Variants in PHF24 observed in about 807,000 individuals in gnomAD.
The protein encoded by PHF24 is PHD finger protein 24, also known as Galpha inhibitory interacting protein.
A neutral mutation model predicts 42.6 loss-of-function variants in PHF24; 25 were observed. That is an observed-to-expected ratio of 0.59 (90% CI 0.43 to 0.82). The LOEUF is 0.82. Ranked by LOEUF, PHF24 falls within the 40% of genes least tolerant of loss-of-function variation. The pLI is 0.00. For synonymous variants in PHF24, 185 were observed against 204.8 expected, an observed-to-expected ratio of 0.90 and a Z score of 0.83; for missense variants, 470 against 538.1, an observed-to-expected ratio of 0.87 and a Z score of 1.25.
the PHF24 span, among the ~76,000 whole-genome samples, chr9:34,752,836 T>C: frequency 6.6e-6 from 1 of 152,084 alleles, no homozygotes; most frequent in Non-Finnish European, 1.5e-5. Context: ...AGATCATTCA[T>C]CATGAACAAG....
the PHF24 span, among the ~76,000 whole-genome samples, chr9:34,692,342 A>C: frequency 6.6e-6 from 1 of 152,202 alleles, no homozygotes; most frequent in East Asian, 1.9e-4. Context: ...AACTTTCCCA[A>C]AACAATACCA....
chr9:34,836,034 T>G, the PHF24 span: 4 of 628,632 alleles, frequency 6.4e-6, no homozygotes, highest in East Asian at 1.4e-4. Context: ...CACTTCCCTC[T>G]GGGGGAAGCC....
the PHF24 span, among the ~76,000 whole-genome samples, chr9:34,891,958 G>A: frequency 6.6e-6 from 1 of 152,174 alleles, no homozygotes; most frequent in African/African-American, 2.4e-5. Context: ...GGGGGAAAAG[G>A]TGGGGAAGGA....
chr9:34,767,903 T>A, the PHF24 span, among the ~76,000 whole-genome samples: 1 of 152,216 alleles, frequency 6.6e-6, no homozygotes, highest in Admixed American at 6.5e-5. Context: ...TTTCATGCGG[T>A]ATCACTAACA....
chr9:34,908,637 A>T, the PHF24 span, among the ~76,000 whole-genome samples: 1 of 152,058 alleles, frequency 6.6e-6, no homozygotes, highest in South Asian at 2.1e-4. Context: ...GGAACAGGAA[A>T]CATCTATAGG....
At chr9:34,879,906 A>G in the PHF24 span, among the ~76,000 whole-genome samples, 1 of 152,216 alleles carries the variant, frequency 6.6e-6, no homozygotes, top group East Asian at 1.9e-4. Flanking sequence ...TATCAGATTC[A>G]CCAAAGTTGA....
At chr9:34,832,629 T>G in the PHF24 span, 4 of 1,541,546 alleles carry the variant, frequency 2.6e-6, no homozygotes, top group African/African-American at 5.5e-5. Context: ...GCCTTTTGTC[T>G]TGGGGTTAAT....
At chr9:34,687,795 C>T in the PHF24 span, among the ~76,000 whole-genome samples, 1 of 152,204 alleles carries the variant, frequency 6.6e-6, no homozygotes, top group Non-Finnish European at 1.5e-5. Context: ...CTCTGAGACA[C>T]CAGCCTGCTG....
chr9:34,868,557 A>T, the PHF24 span, among the ~76,000 whole-genome samples: 1 of 152,164 alleles, frequency 6.6e-6, no homozygotes, highest in Non-Finnish European at 1.5e-5. Context: ...TCTTCCAAAA[A>T]GTTGTCACCC....
the PHF24 span, among the ~76,000 whole-genome samples, chr9:34,767,315 C>T: frequency 6.6e-6 from 1 of 152,228 alleles, no homozygotes; most frequent in Non-Finnish European, 1.5e-5. Flanking sequence ...AGGTGGAGCC[C>T]ACAGAGGCAT....
At chr9:34,884,427 G>T in the PHF24 span, among the ~76,000 whole-genome samples, 2 of 152,140 alleles carry the variant, frequency 1.3e-5, no homozygotes, top group African/African-American at 4.8e-5. Flanking sequence ...TTTTATAACA[G>T]CTTTTTGGAC....
chr9:34,780,582 G>A, the PHF24 span, among the ~76,000 whole-genome samples: 2 of 152,034 alleles, frequency 1.3e-5, no homozygotes, highest in Non-Finnish European at 1.5e-5. Context: ...ACTGCACCTA[G>A]CTGGCAATAG....
At chr9:34,955,926 GA>G (rs1332267599), upstream of PHF24, among the ~76,000 whole-genome samples, 1 of 152,100 alleles carries the variant, frequency 6.6e-6, no homozygotes, top group Non-Finnish European at 1.5e-5. Flanking sequence ...CTCAACATGA[GA>G]AAAACTGCAT....
the PHF24 span, chr9:34,838,418 C>G: frequency 2.3e-6 from 3 of 1,280,194 alleles, no homozygotes; most frequent in Non-Finnish European, 3.3e-6. Context: ...CAGATAATTA[C>G]AATAACGATG....
At chr9:34,669,916 T>G in the PHF24 span, among the ~76,000 whole-genome samples, 2 of 151,454 alleles carry the variant, frequency 1.3e-5, no homozygotes, top group African/African-American at 4.9e-5. Context: ...GATTAGAGAG[T>G]TGAGACTTTG....
chr9:34,832,454 C>A, the PHF24 span: 1 of 1,486,292 alleles, frequency 6.7e-7, no homozygotes. Context: ...CTGGGCCCAT[C>A]AGCTTCTGAG....
At chr9:34,857,358 C>A in the PHF24 span, among the ~76,000 whole-genome samples, 1 of 152,184 alleles carries the variant, frequency 6.6e-6, no homozygotes, top group Non-Finnish European at 1.5e-5. Context: ...ATGCAAAACT[C>A]CTGGGTCTTC....
chr9:34,764,677 GT>G, the PHF24 span, among the ~76,000 whole-genome samples: 50 of 152,056 alleles, frequency 3.3e-4, no homozygotes, highest in African/African-American at 1.1e-3. Context: ...TTTTTGAAGG[GT>G]TTTTTGTGTC....
At chr9:34,932,984 CTTTTTT>C in the PHF24 span, among the ~76,000 whole-genome samples, 3 of 121,452 alleles carry the variant, frequency 2.5e-5, no homozygotes, top group Non-Finnish European at 3.4e-5. Context: ...AGCAGGAACT[CTTTTTT>C]TTTTTTTTTT....
Sources: allele counts gnomAD v4.1 joint callset (sites outside exome capture counted in the v4.1 genomes callset), GRCh38; gene constraint gnomAD v4.1.1; transcripts MANE v1.5; gene names NCBI Gene and HGNC (gene_info 2026-07-23, HGNC 2026-07-21).